The following ANKRD36C variants were observed in gnomAD, a reference collection of about 807,000 sequenced individuals.
The protein encoded by ANKRD36C is ankyrin repeat domain 36C.
In ANKRD36C, 61 loss-of-function variants were observed where a neutral mutation model predicts 276.4. That is an observed-to-expected ratio of 0.22 (90% CI 0.18 to 0.27). ANKRD36C has a LOEUF of 0.27. Ranked by LOEUF, ANKRD36C falls within the 10% of genes least tolerant of loss-of-function variation. The pLI, the probability that ANKRD36C is intolerant of heterozygous loss-of-function variation, is 1.00. For synonymous variants in ANKRD36C, 483 were observed against 680.1 expected (o/e 0.71, Z 4.51); for missense variants, 1,447 against 2,032.3 (o/e 0.71, Z 5.54).
chr2:95,967,965 G>A (rs138388457), intron 6 of ANKRD36C, among the ~76,000 whole-genome samples: 6 of 152,184 alleles, frequency 3.9e-5, no homozygotes, highest in Admixed American at 2.6e-4. Flanking sequence ...GGTGGCACAC[G>A]TATGTAATCC....
rs1033890922 is a variant in ANKRD36C, at chr2:95,867,712, T to A, written c.3541-131A>T. ...AGGTACCTGTTCTGTACTTTTTTTT[T>A]AAGCAATTTCCTTTATGTTGACTCT... is the stretch of plus-strand genomic sequence containing the variant. On this transcript the variant is annotated intron_variant, in intron 59 of 66. Coordinates refer to ENST00000456556, the Ensembl canonical transcript of ANKRD36C. 17 of 1,372,126 alleles carry A rather than the reference T, an allele frequency of 1.2e-5. 1 individual carries two copies. The Middle Eastern group carries it at 7.9e-4, about 64-fold the overall frequency. The allele number at this position is 1,372,126 out of a possible 1,614,324, so 85.0% of individuals were successfully genotyped here.
intron 1 of ANKRD36C, among the ~76,000 whole-genome samples, chr2:95,988,104 T>C (rs899531253): frequency 6.7e-6 from 1 of 149,058 alleles, no homozygotes; most frequent in Non-Finnish European, 1.5e-5. Context: ...CAGGCAGTTC[T>C]ACTCATATAA....
chr2:95,971,183 G>A (rs977538619), intron 6 of ANKRD36C, among the ~76,000 whole-genome samples: 5 of 152,070 alleles, frequency 3.3e-5, no homozygotes, highest in African/African-American at 1.2e-4. Context: ...GTTGACAGGG[G>A]TTAGTTGTGA....
At chr2:95,884,465 C>T (rs1676157284) in intron 52 of ANKRD36C, 97 bp from the exon 73 acceptor site, 1 of 1,583,972 alleles carries the variant, frequency 6.3e-7, no homozygotes, top group Non-Finnish European at 8.6e-7. Flanking sequence ...ATCCTTCTGC[C>T]TGTATTAGGG....
In ANKRD36C at chr2:95,871,823, T is replaced by A. The variant is rs796116365; in HGVS notation, c.3541-4242A>T. ...CTCAAAATAAAAGGATGGAGGAAGA[T>A]CTACCAAGCAAATGGAAAACAAAAA... On this transcript the variant is annotated intron_variant, in intron 59 of 66. Coordinates refer to ENST00000456556, the Ensembl canonical transcript of ANKRD36C. Among the ~76,000 whole-genome samples, 23 of 150,792 alleles carry A rather than the reference T, an allele frequency of 1.5e-4. No homozygotes were observed. In the East Asian group the frequency reaches 4.3e-3, roughly 28 times the overall value.
At chr2:95,956,788 G>A (rs530272639) in exon 13 of ANKRD36C, 1 of 1,533,764 alleles carries the variant, frequency 6.5e-7, no homozygotes, top group Non-Finnish European at 8.7e-7. Flanking sequence ...AATCATACCT[G>A]TTTAAACACT....
At chr2:95,923,497 G>T in exon 32 of ANKRD36C, 1 of 1,610,696 alleles carries the variant, frequency 6.2e-7, no homozygotes, top group Non-Finnish European at 8.5e-7. Flanking sequence ...AAAATTACCT[G>T]TCCCACATTG....
intron 10 of ANKRD36C, among the ~76,000 whole-genome samples, 173 bp downstream of exon 10, chr2:95,960,300 G>A (rs1384769181): frequency 2.0e-5 from 3 of 151,958 alleles, no homozygotes; most frequent in African/African-American, 7.2e-5. Flanking sequence ...CTCAGATCAT[G>A]GACAAAAATC....
rs552149402 is a variant in ANKRD36C, at chr2:95,921,482, C to A, written c.2245+125G>T. 6.8e-6 allele frequency: 9 copies of A among 1,327,074 alleles called. No homozygotes were observed. The East Asian group carries it at 1.5e-4, about 22-fold the overall frequency. The allele number at this position is 1,327,074 out of a possible 1,614,324, so 82.2% of individuals were successfully genotyped here. A position where few individuals can be genotyped will look rare whatever the true frequency, so the allele number is the denominator to read the frequency against. On this transcript the variant is annotated intron_variant, in intron 34 of 66. Transcript: ENST00000456556. ...TTTATTACAAATGAAGACTCTCAGG[C>A]CTACTGAATCAGAATGTGCAGCTTC...
exon 19 of ANKRD36C, chr2:95,944,641 G>C: frequency 1.3e-6 from 2 of 1,537,142 alleles, no homozygotes; most frequent in Non-Finnish European, 1.7e-6. Flanking sequence ...TCAACATTTT[G>C]GTCTTCAAAC....
At chr2:95,908,958 T>C (rs1359890273) in intron 42 of ANKRD36C, among the ~76,000 whole-genome samples, 1 of 151,116 alleles carries the variant, frequency 6.6e-6, no homozygotes, top group Non-Finnish European at 1.5e-5. Flanking sequence ...ACCATGTCAA[T>C]ATCAACGTGG....
At chr2:95,985,958 T>C (rs1478540833) in intron 3 of ANKRD36C, among the ~76,000 whole-genome samples, 3 of 151,996 alleles carry the variant, frequency 2.0e-5, no homozygotes, top group Non-Finnish European at 4.4e-5. Context: ...AATTGAATAA[T>C]GTCCATTAAT....
intron 20 of ANKRD36C, 149 bp downstream of exon 20, chr2:95,941,011 T>C: frequency 2.8e-6 from 1 of 355,390 alleles, no homozygotes; most frequent in Non-Finnish European, 4.4e-6. Context: ...TTTTAAATTA[T>C]AGTTATATTT....
chr2:95,989,420 G>C (rs540427945), intron 1 of ANKRD36C, among the ~76,000 whole-genome samples: 1 of 152,030 alleles, frequency 6.6e-6, no homozygotes, highest in Admixed American at 6.5e-5. Context: ...TAGATTGTTT[G>C]TGTGTATGTA....
Position 95,916,124 on chromosome 2 carries a change from T to C in ANKRD36C, c.2376+19A>G, listed in dbSNP as rs746049893. On this transcript the variant is annotated intron_variant, in intron 37 of 66. Coordinates refer to ENST00000456556, the Ensembl canonical transcript of ANKRD36C. Reference sequence around the variant, plus strand: ...GCTATACGTTTACTAGCTCACAATATAAATGAGAGTTTCATTACCTTCAAG... The same window carrying C: ...GCTATACGTTTACTAGCTCACAATACAAATGAGAGTTTCATTACCTTCAAG... 15 of 1,605,420 alleles carry C rather than the reference T, an allele frequency of 9.3e-6. 1 individual carries two copies. The South Asian group carries it at 1.2e-4, about 13-fold the overall frequency.
intron 38 of ANKRD36C, 21 bp downstream of exon 40, chr2:95,915,959 A>T: frequency 1.9e-6 from 3 of 1,542,604 alleles, no homozygotes; most frequent in Non-Finnish European, 2.6e-6. Context: ...ACATGACATT[A>T]AATGTGTTTT....
intron 42 of ANKRD36C, 45 bp from the exon 45 acceptor site, chr2:95,910,613 C>A: frequency 6.2e-7 from 1 of 1,601,456 alleles, no homozygotes. Context: ...GTAAATATGA[C>A]AAAGATATCC....
At chr2:95,857,829 G>A (rs989164112) in intron 61 of ANKRD36C, among the ~76,000 whole-genome samples, 2 of 145,428 alleles carry the variant, frequency 1.4e-5, no homozygotes, top group African/African-American at 2.4e-5. Context: ...CAGATCCAGG[G>A]GATATTCAGC....
intron 24 of ANKRD36C, among the ~76,000 whole-genome samples, chr2:95,933,146 G>A (rs879199761): frequency 1.3e-5 from 2 of 151,752 alleles, no homozygotes; most frequent in African/African-American, 2.4e-5. Flanking sequence ...GTTCTATATC[G>A]CTGTTTTGGT....
Sources: gnomAD v4.1 joint callset for allele counts (sites outside exome capture counted in the v4.1 genomes callset) on GRCh38, gnomAD v4.1.1 for gene constraint, MANE v1.5 for transcripts, NCBI Gene and HGNC (gene_info 2026-07-23, HGNC 2026-07-21) for gene names.